The following TTC27 variants were observed in gnomAD, a reference collection of about 807,000 sequenced individuals.
The protein encoded by TTC27 is tetratricopeptide repeat domain 27.
A neutral mutation model predicts 115.9 loss-of-function variants in TTC27; 79 were observed. The observed-to-expected ratio is 0.68, with a 90% CI of 0.57 to 0.82. The LOEUF (loss-of-function observed/expected upper bound fraction) is 0.82, where lower values mean the gene tolerates loss of function less well. Ranked by LOEUF, TTC27 falls within the 40% of genes least tolerant of loss-of-function variation. The pLI, the probability that TTC27 is intolerant of heterozygous loss-of-function variation, is 0.00. For missense variants in TTC27, 1,054 were observed against 993.1 expected, an observed-to-expected ratio of 1.06 and a Z score of -0.82; for synonymous variants, 401 against 356.0, an observed-to-expected ratio of 1.13 and a Z score of -1.42.
At chr2:32,777,254 C>T (rs1670026009) in intron 13 of TTC27, among the ~76,000 whole-genome samples, 1 of 152,192 alleles carries the variant, frequency 6.6e-6, no homozygotes, top group Non-Finnish European at 1.5e-5. Context: ...ATACATTCAT[C>T]AGTTGTGAAT....
chr2:32,656,846 T>G (rs1336652066), intron 5 of TTC27, among the ~76,000 whole-genome samples: 1 of 152,164 alleles, frequency 6.6e-6, no homozygotes, highest in East Asian at 1.9e-4. Flanking sequence ...GGCACACAAT[T>G]TATAATCAAA....
chr2:32,641,789 C>T (rs1664659671), intron 4 of TTC27, among the ~76,000 whole-genome samples: 1 of 152,174 alleles, frequency 6.6e-6, no homozygotes, highest in Non-Finnish European at 1.5e-5. Flanking sequence ...AGCAATTCTT[C>T]TGCCTCAGCC....
chr2:32,663,685 T>C (rs1665646611), intron 5 of TTC27, among the ~76,000 whole-genome samples: 1 of 144,364 alleles, frequency 6.9e-6, no homozygotes, highest in South Asian at 2.2e-4. Context: ...TGTATGTATT[T>C]ATTTATTTAT....
At chr2:32,757,751 G>A (rs1182479891) in intron 12 of TTC27, among the ~76,000 whole-genome samples, 3 of 151,926 alleles carry the variant, frequency 2.0e-5, no homozygotes, top group Admixed American at 6.6e-5. Context: ...GGAGTGCAAT[G>A]ACTCAGTCTT....
intron 10 of TTC27, among the ~76,000 whole-genome samples, chr2:32,712,533 A>T (rs1667613864): frequency 1.3e-5 from 2 of 151,650 alleles, no homozygotes; most frequent in South Asian, 4.2e-4. Flanking sequence ...TTCCTTCCGC[A>T]TCTGATCTAA....
chr2:32,676,498 T>C (rs1333602275), intron 8 of TTC27, among the ~76,000 whole-genome samples: 1 of 150,482 alleles, frequency 6.6e-6, no homozygotes, highest in African/African-American at 2.4e-5. Context: ...ATTCTGTTTT[T>C]TTTTTTTTTT....
chr2:32,698,644 T>A (rs1667078614), intron 9 of TTC27, among the ~76,000 whole-genome samples: 1 of 151,868 alleles, frequency 6.6e-6, no homozygotes, highest in Admixed American at 6.6e-5. Flanking sequence ...CACGCCTGGC[T>A]AATTTTTTTG....
At chr2:32,709,486 G>A (rs907096045) in intron 10 of TTC27, among the ~76,000 whole-genome samples, 2 of 152,152 alleles carry the variant, frequency 1.3e-5, no homozygotes, top group African/African-American at 4.8e-5. Flanking sequence ...TTTTGGGGAT[G>A]GGACCCAAAT....
chr2:32,812,668 G>A, intron 18 of TTC27, 53 bp downstream of exon 18: 2 of 1,339,496 alleles, frequency 1.5e-6, no homozygotes, highest in Admixed American at 3.4e-5. Flanking sequence ...ATTTTCTACT[G>A]ACAGAAAAGA....
At chr2:32,766,500 A>T (rs757311345) in intron 13 of TTC27, 82 of 457,500 alleles carry the variant, frequency 1.8e-4, no homozygotes, top group Non-Finnish European at 3.3e-4. Context: ...GGGAGAAGAT[A>T]GGAGAGTAGC....
intron 16 of TTC27, among the ~76,000 whole-genome samples, chr2:32,804,001 C>T (rs1223827956): frequency 7.2e-6 from 1 of 138,400 alleles, no homozygotes; most frequent in Admixed American, 7.4e-5. Flanking sequence ...AGCGAGACTC[C>T]ATCTCAATTA....
At chr2:32,809,393 G>T (rs570069378) in intron 16 of TTC27, among the ~76,000 whole-genome samples, 1 of 152,198 alleles carries the variant, frequency 6.6e-6, no homozygotes, top group Non-Finnish European at 1.5e-5. Context: ...TGCAGTTCAC[G>T]GTAAAATTAA....
intron 5 of TTC27, among the ~76,000 whole-genome samples, chr2:32,663,450 C>T (rs971337407): frequency 3.3e-5 from 5 of 152,274 alleles, no homozygotes; most frequent in African/African-American, 2.4e-5. Context: ...TTGTGCTTCC[C>T]GGGTGATCGC....
At chr2:32,759,266 T>C (rs542396752) in intron 13 of TTC27, among the ~76,000 whole-genome samples, 1 of 152,348 alleles carries the variant, frequency 6.6e-6, no homozygotes, top group African/African-American at 2.4e-5. Context: ...GCACACTGAT[T>C]TGCTGTAATC....
chr2:32,750,941 G>A (rs1172542509), intron 12 of TTC27, among the ~76,000 whole-genome samples: 1 of 152,176 alleles, frequency 6.6e-6, no homozygotes, highest in African/African-American at 2.4e-5. Flanking sequence ...AAGGCCATGG[G>A]ATGGTGAGAC....
intron 2 of TTC27, among the ~76,000 whole-genome samples, chr2:32,632,103 G>A (rs1664241124): frequency 2.6e-5 from 4 of 151,056 alleles, no homozygotes; most frequent in Admixed American, 2.0e-4. Flanking sequence ...GAGCCACTTC[G>A]CCCAGCCTCC....
At chr2:32,675,453 C>T (rs1426117062) in intron 8 of TTC27, among the ~76,000 whole-genome samples, 1 of 151,946 alleles carries the variant, frequency 6.6e-6, no homozygotes, top group Non-Finnish European at 1.5e-5. Context: ...TTGTTTTTCC[C>T]AAAGGAAGAT....
chr2:32,639,492 G>A (rs1464586524), intron 3 of TTC27, among the ~76,000 whole-genome samples: 1 of 152,058 alleles, frequency 6.6e-6, no homozygotes, highest in Non-Finnish European at 1.5e-5. Flanking sequence ...TGGCTTGATA[G>A]AAATTATGGA....
intron 18 of TTC27, among the ~76,000 whole-genome samples, chr2:32,812,911 A>C (rs1671364765): frequency 6.6e-6 from 1 of 152,238 alleles, no homozygotes; most frequent in Non-Finnish European, 1.5e-5. Flanking sequence ...CCTTCATTCC[A>C]CACTGAGTTT....
Sources: allele counts gnomAD v4.1 joint callset (sites outside exome capture counted in the v4.1 genomes callset), GRCh38; gene constraint gnomAD v4.1.1; transcripts MANE v1.5; gene names NCBI Gene and HGNC (gene_info 2026-07-23, HGNC 2026-07-21).